Variants in NR3C2 observed in about 807,000 individuals in gnomAD.
NR3C2 encodes the protein nuclear receptor subfamily 3 group C member 2, also known as mineralocorticoid receptor.
NR3C2 carries 15 observed loss-of-function variants against 86.4 expected under a neutral mutation model. The ratio of observed to expected loss-of-function variants is 0.17; its 90% CI spans 0.12 to 0.27. The LOEUF (loss-of-function observed/expected upper bound fraction) is 0.27. Among genes scored for constraint, NR3C2 ranks in the 10% least tolerant of loss-of-function variants. NR3C2 has a pLI of 1.00. For missense variants in NR3C2, 960 were observed against 1,195.6 expected, an observed-to-expected ratio of 0.80 and a Z score of 2.91; for synonymous variants, 458 against 450.5, an observed-to-expected ratio of 1.02 and a Z score of -0.21.
intron 8 of NR3C2, among the ~76,000 whole-genome samples, chr4:148,102,700 A>C (rs1316123889): frequency 6.6e-6 from 1 of 152,128 alleles, no homozygotes; most frequent in East Asian, 1.9e-4. Context: ...CCCCTCCTGG[A>C]TCCTCTAGAA....
At chr4:148,291,285 C>CT (rs1741785988) in intron 2 of NR3C2, among the ~76,000 whole-genome samples, 1 of 151,748 alleles carries the variant, frequency 6.6e-6, no homozygotes, top group African/African-American at 2.4e-5. Flanking sequence ...CCACTTAAAT[C>CT]TTTACATCAA....
chr4:148,186,211 TGATTA>T (rs1298162396), intron 4 of NR3C2, among the ~76,000 whole-genome samples: 2 of 152,212 alleles, frequency 1.3e-5, no homozygotes, highest in Non-Finnish European at 2.9e-5. Context: ...TCTATTATAA[TGATTA>T]GATTTAGAAT....
At chr4:148,244,899 A>C (rs979559596) in intron 3 of NR3C2, among the ~76,000 whole-genome samples, 1 of 152,182 alleles carries the variant, frequency 6.6e-6, no homozygotes, top group Non-Finnish European at 1.5e-5. Context: ...TATAGCTTTT[A>C]ATGTCATCCA....
intron 3 of NR3C2, among the ~76,000 whole-genome samples, chr4:148,217,363 G>GA (rs1158896803): frequency 1.3e-5 from 2 of 152,060 alleles, no homozygotes; most frequent in Non-Finnish European, 1.5e-5. Context: ...ACATGCACAG[G>GA]AAAAATCTCT....
At chr4:148,217,450 T>C (rs988157485) in intron 3 of NR3C2, among the ~76,000 whole-genome samples, 1 of 152,218 alleles carries the variant, frequency 6.6e-6, no homozygotes, top group African/African-American at 2.4e-5. Flanking sequence ...CATACCTTCC[T>C]GAACTTCCCT....
At chr4:148,356,203 A>G (rs1473177227) in intron 2 of NR3C2, among the ~76,000 whole-genome samples, 1 of 152,256 alleles carries the variant, frequency 6.6e-6, no homozygotes, top group Non-Finnish European at 1.5e-5. Flanking sequence ...TTGCTGTAAT[A>G]AAGTATGATC....
At chr4:148,222,102 T>C (rs190253237) in intron 3 of NR3C2, among the ~76,000 whole-genome samples, 1 of 152,130 alleles carries the variant, frequency 6.6e-6, no homozygotes, top group Admixed American at 6.6e-5. Context: ...ATGACTGTTA[T>C]TGACACCAAA....
In NR3C2 at chr4:148,324,331, CTGTG is replaced by C. The variant is rs374839889; in HGVS notation, c.1758-64218_1758-64215del. ...TTTTTTAAGACTGAATAATATTCCT[CTGTG>C]TGTGTGTGTGTGTGTGTGTGTGTGT... On this transcript the variant is annotated intron_variant, in intron 2 of 8. Transcript: ENST00000358102. 6.1e-3 allele frequency among the ~76,000 whole-genome samples: 869 copies of C among 141,884 alleles called. 4 individuals carry two copies. The highest frequency in any genetic ancestry group is 0.01 in the African/African-American group (379 of 37,404). The allele number at this position is 141,884 out of a possible 152,430, so 93.1% of individuals were successfully genotyped here. A position where few individuals can be genotyped will look rare whatever the true frequency, so the allele number is the denominator to read the frequency against.
intron 8 of NR3C2, among the ~76,000 whole-genome samples, chr4:148,083,684 T>G (rs1730682365): frequency 6.6e-6 from 1 of 152,096 alleles, no homozygotes; most frequent in Non-Finnish European, 1.5e-5. Flanking sequence ...GGATGGAGAA[T>G]GAGTTTCACG....
intron 4 of NR3C2, among the ~76,000 whole-genome samples, chr4:148,178,945 A>AT (rs1299358117): frequency 6.6e-6 from 1 of 150,996 alleles, no homozygotes; most frequent in Non-Finnish European, 1.5e-5. Flanking sequence ...AAAAAAAAAA[A>AT]AACAAAAAAA....
intron 3 of NR3C2, among the ~76,000 whole-genome samples, chr4:148,216,775 T>C (rs1205744685): frequency 2.0e-5 from 3 of 152,172 alleles, no homozygotes; most frequent in African/African-American, 7.2e-5. Context: ...TCAGACATGG[T>C]CCTACTGATA....
At chr4:148,193,337 C>T (rs1331650555) in intron 4 of NR3C2, among the ~76,000 whole-genome samples, 1 of 152,188 alleles carries the variant, frequency 6.6e-6, no homozygotes, top group East Asian at 1.9e-4. Context: ...GGGGTGTCTC[C>T]CAGGTCCTCC....
At chr4:148,224,967 A>G (rs928731874) in intron 3 of NR3C2, among the ~76,000 whole-genome samples, 2 of 152,210 alleles carry the variant, frequency 1.3e-5, no homozygotes, top group Non-Finnish European at 2.9e-5. Context: ...TTTCTGCTGC[A>G]GCAAGGCAAA....
intron 8 of NR3C2, among the ~76,000 whole-genome samples, chr4:148,088,559 TTGCAGGGACATGGATGAAGCTGGAAACCA>T (rs375851515): frequency 0.089 from 13,528 of 152,054 alleles, 1,949 homozygotes; most frequent in African/African-American, 0.3. Context: ...TTCATGTCCT[TTGCAGGGACATGGATGAAGCTGGAAACCA>T]TCATTCTCAG....
intron 4 of NR3C2, 71 bp from the exon 5 acceptor site, chr4:148,154,972 A>C (rs1033806518): frequency 5.0e-5 from 63 of 1,254,740 alleles, no homozygotes; most frequent in Non-Finnish European, 6.4e-5. Context: ...CACTGGTTAA[A>C]GTACAGTTTT....
chr4:148,094,920 TTAAC>T (rs1437430422), intron 8 of NR3C2, among the ~76,000 whole-genome samples: 4 of 151,882 alleles, frequency 2.6e-5, no homozygotes, highest in African/African-American at 9.7e-5. Context: ...CTCAAAAACA[TTAAC>T]TAAGTGAAAT....
rs564042502 is a variant in NR3C2 at position 148,139,100 on chromosome 4, T to C, written c.2510+13369A>G. ...TTACCCAGAATCAGGGATTGTGTTATTGCAGTACAATATGGACAAATGATG... is the reference window on the plus strand; with the variant it reads ...TTACCCAGAATCAGGGATTGTGTTACTGCAGTACAATATGGACAAATGATG... On this transcript the variant is annotated intron_variant, in intron 6 of 8. Coordinates refer to ENST00000358102, the MANE Select transcript of NR3C2 (RefSeq NM_000901.5). 3.3e-5 allele frequency among the ~76,000 whole-genome samples: 5 copies of C among 152,362 alleles called. No homozygotes were observed. The South Asian group carries it at 1.0e-3, about 32-fold the overall frequency.
rs79277841 is a variant in NR3C2, at chr4:148,242,297, G to A, written c.1897+17681C>T. Among the ~76,000 whole-genome samples, 477 of 152,252 alleles carry A rather than the reference G, an allele frequency of 3.1e-3. 2 individuals carry two copies. Among genetic ancestry groups the A allele is most frequent in the East Asian group, 0.02 (106 of 5,186 alleles). Reference sequence around the variant, plus strand: ...GAGATGGCGGCATCTGTTGCTGGTGGGGATGGAGGAAGGGTCCTCAAACTA... The same window carrying A: ...GAGATGGCGGCATCTGTTGCTGGTGAGGATGGAGGAAGGGTCCTCAAACTA... On this transcript the variant is annotated intron_variant, in intron 3 of 8. Transcript: ENST00000358102.
chr4:148,318,675 T>C (rs1014694883), intron 2 of NR3C2, among the ~76,000 whole-genome samples: 6 of 152,254 alleles, frequency 3.9e-5, no homozygotes, highest in African/African-American at 1.4e-4. Flanking sequence ...AAATGTCTTC[T>C]TATGAAAAGT....
Sources: gnomAD v4.1 joint callset for allele counts (sites outside exome capture counted in the v4.1 genomes callset) on GRCh38, gnomAD v4.1.1 for gene constraint, MANE v1.5 for transcripts, NCBI Gene and HGNC (gene_info 2026-07-23, HGNC 2026-07-21) for gene names.